STXBP5: variants seen among roughly 807,000 people sequenced by gnomAD.
STXBP5 encodes syntaxin-binding protein 5.
A neutral mutation model predicts 152.4 loss-of-function variants in STXBP5; 50 were observed. The ratio of observed to expected loss-of-function variants is 0.33; its 90% CI spans 0.26 to 0.42. STXBP5 has a LOEUF of 0.42. Among genes scored for constraint, STXBP5 ranks in the 10% least tolerant of loss-of-function variants. The pLI is 1.00. For missense variants in STXBP5, 1,167 were observed against 1,388.6 expected (o/e 0.84, Z 2.54); for synonymous variants, 492 against 494.7 (o/e 0.99, Z 0.07).
chr6:147,377,121 C>T (rs191248421), intron 26 of STXBP5, among the ~76,000 whole-genome samples: 2 of 152,138 alleles, frequency 1.3e-5, no homozygotes, highest in Non-Finnish European at 2.9e-5. Flanking sequence ...CAATACATTT[C>T]AAAGAGTTAA....
chr6:147,292,428 A>G (rs1220899535), intron 9 of STXBP5: 2 of 265,060 alleles, frequency 7.5e-6, no homozygotes, highest in East Asian at 2.5e-4. Context: ...AGATGGATAA[A>G]ATGTCAGACA....
chr6:147,273,746 TC>T (rs1240885909), intron 7 of STXBP5, among the ~76,000 whole-genome samples: 1 of 152,028 alleles, frequency 6.6e-6, no homozygotes, highest in East Asian at 1.9e-4. Flanking sequence ...GGTCAGGAGA[TC>T]GAGACCATCC....
chr6:147,320,447 T>C (rs1487466186), intron 16 of STXBP5, among the ~76,000 whole-genome samples: 1 of 152,114 alleles, frequency 6.6e-6, no homozygotes, highest in East Asian at 1.9e-4. Flanking sequence ...ATAGGGACTC[T>C]ACCATTCCTG....
chr6:147,319,020 C>T (rs528769957), intron 16 of STXBP5, among the ~76,000 whole-genome samples: 1 of 152,208 alleles, frequency 6.6e-6, no homozygotes, highest in Non-Finnish European at 1.5e-5. Context: ...TGTGACCATC[C>T]TTAATTTCTG....
intron 8 of STXBP5, among the ~76,000 whole-genome samples, chr6:147,283,011 T>C (rs1780774108): frequency 6.6e-6 from 1 of 151,990 alleles, no homozygotes; most frequent in Admixed American, 6.5e-5. Context: ...TTTAAGAAAA[T>C]TTTCTAATTT....
chr6:147,279,071 G>A (rs938289086), intron 8 of STXBP5, among the ~76,000 whole-genome samples: 2 of 152,130 alleles, frequency 1.3e-5, no homozygotes, highest in Non-Finnish European at 2.9e-5. Context: ...AATAATGAGC[G>A]TTTTCTTGAA....
chr6:147,236,052 C>T (rs1047292236), intron 3 of STXBP5, among the ~76,000 whole-genome samples: 20 of 152,060 alleles, frequency 1.3e-4, no homozygotes, highest in Non-Finnish European at 1.0e-4. Context: ...CCTTAGGCTC[C>T]GTGGAATAAT....
In STXBP5 at chr6:147,387,920, G is replaced by GAGGAA. The variant is rs1445935489; in HGVS notation, c.*3171_*3175dup. 6.6e-6 allele frequency: 1 copy of GAGGAA among 151,714 alleles called. No homozygotes were observed. The highest frequency in any genetic ancestry group is 2.4e-5 in the African/African-American group (1 of 41,386). 9.4% of individuals were successfully genotyped at this position (151,714 alleles called of 1,614,324 possible). A position where few individuals can be genotyped will look rare whatever the true frequency, so the allele number is the denominator to read the frequency against. ...TTACAGGGGTGCTGGGGAGACAGCT[G>GAGGAA]AGGAAAGGAAGAATATGTGGAAGAC... is the stretch of plus-strand genomic sequence containing the variant. On this transcript the variant is annotated 3_prime_UTR_variant, in exon 28 of 28. Coordinates refer to ENST00000321680, the MANE Select transcript of STXBP5 (RefSeq NM_001127715.4).
intron 9 of STXBP5, among the ~76,000 whole-genome samples, chr6:147,296,741 G>GA (rs200296862): frequency 9.7e-4 from 147 of 151,640 alleles, no homozygotes; most frequent in East Asian, 9.3e-3. Context: ...AACAAAATCA[G>GA]AAAAAAAATA....
At chr6:147,256,956 A>G (rs1482181466) in intron 4 of STXBP5, among the ~76,000 whole-genome samples, 1 of 152,104 alleles carries the variant, frequency 6.6e-6, no homozygotes, top group Non-Finnish European at 1.5e-5. Flanking sequence ...TAATAATAAA[A>G]TCTTCCAAAT....
chr6:147,361,725 C>T (rs976678951), intron 23 of STXBP5, among the ~76,000 whole-genome samples: 3 of 151,696 alleles, frequency 2.0e-5, no homozygotes, highest in East Asian at 1.9e-4. Flanking sequence ...AATCTACATA[C>T]TAGAACAATA....
chr6:147,214,677 AAT>A (rs1419516978), intron 2 of STXBP5, among the ~76,000 whole-genome samples: 1 of 152,224 alleles, frequency 6.6e-6, no homozygotes, highest in Non-Finnish European at 1.5e-5. Context: ...CTTTATAAGT[AAT>A]ATGTGACATT....
intron 21 of STXBP5, among the ~76,000 whole-genome samples, chr6:147,347,453 A>G (rs1191078696): frequency 2.6e-5 from 4 of 152,220 alleles, no homozygotes; most frequent in African/African-American, 7.2e-5. Context: ...ATGGAAAGCC[A>G]TGGTAGGAAG....
intron 2 of STXBP5, among the ~76,000 whole-genome samples, chr6:147,226,333 C>T (rs1339508434): frequency 2.0e-5 from 3 of 151,404 alleles, no homozygotes; most frequent in Admixed American, 2.0e-4. Context: ...GGACATAAAA[C>T]ATGTTTCTTA....
intron 4 of STXBP5, among the ~76,000 whole-genome samples, chr6:147,248,547 T>G (rs1485119166): frequency 6.6e-6 from 1 of 152,212 alleles, no homozygotes; most frequent in African/African-American, 2.4e-5. Context: ...TAGATTGTGA[T>G]GCAGCTGGAG....
At chr6:147,222,921 A>G (rs905727893) in intron 2 of STXBP5, among the ~76,000 whole-genome samples, 3 of 152,186 alleles carry the variant, frequency 2.0e-5, no homozygotes, top group Admixed American at 1.3e-4. Flanking sequence ...CCTTACCCGG[A>G]CACAGGTTTT....
At position 147,291,087 on chromosome 6, in the gene STXBP5, A is replaced by G. The variant is rs779051612; in HGVS notation, c.839-7A>G. 1.1e-5 allele frequency: 18 copies of G among 1,605,406 alleles called. No homozygotes were observed. The highest frequency in any genetic ancestry group is 1.4e-5 in the Non-Finnish European group (17 of 1,175,744). On this transcript the variant is annotated splice_region_variant and splice_polypyrimidine_tract_variant and intron_variant, in intron 8 of 27. Coordinates refer to ENST00000321680, the MANE Select transcript of STXBP5 (RefSeq NM_001127715.4). ...TTTAGAATTTAATGCAGGAAAATAT[A>G]TTTTAGGAAAACAGTTAAAGGATGG...
At position 147,316,249 on chromosome 6, in the gene STXBP5, A is replaced by G. The variant is rs1180016956; in HGVS notation, c.1644A>G (p.Leu548=). ...AACAGATGCTTGAAGTTCGATTATT[A>G]TATGAGATAAATGATGTGGAAACTC... The part of the protein sequence containing the change: ...EVIPMLEVRL[L]YEINDVETPE... The change falls in exon 16 of 28, where the codon TTA becomes TTG. Residue 548 remains leucine, a synonymous_variant. Transcript: ENST00000321680. 3.1e-6 allele frequency: 5 copies of G among 1,613,830 alleles called. No individual in the cohort carries two copies. The highest frequency in any genetic ancestry group is 1.1e-5 in the South Asian group (1 of 91,078).
chr6:147,275,725 T>C (rs1318485088), intron 7 of STXBP5, among the ~76,000 whole-genome samples: 1 of 151,470 alleles, frequency 6.6e-6, no homozygotes, highest in Non-Finnish European at 1.5e-5. Context: ...CCTGGCTAAT[T>C]TTTTGTATTT....
Sources: allele counts gnomAD v4.1 joint callset (sites outside exome capture counted in the v4.1 genomes callset), GRCh38; gene constraint gnomAD v4.1.1; transcripts MANE v1.5; gene names NCBI Gene and HGNC (gene_info 2026-07-23, HGNC 2026-07-21).